Variants in PDZD2 observed in about 807,000 individuals in gnomAD.
PDZD2 encodes the protein PDZ domain containing 2.
Under a neutral mutation model 220.7 loss-of-function variants are expected in PDZD2, and 90 were observed. That is an observed-to-expected ratio of 0.41 (90% confidence interval 0.34 to 0.49). The LOEUF is 0.49. Among genes scored for constraint, PDZD2 ranks in the 20% least tolerant of loss-of-function variants. The pLI is 0.28. For missense variants in PDZD2, 3,174 were observed against 3,608.5 expected (o/e 0.88, Z 3.08); for synonymous variants, 1,375 against 1,450.5 (o/e 0.95, Z 1.18).
intron 4 of PDZD2, among the ~76,000 whole-genome samples, chr5:31,998,144 C>T (rs534830813): frequency 1.3e-5 from 2 of 152,120 alleles, no homozygotes; most frequent in Admixed American, 6.6e-5. Flanking sequence ...TTAGTAAGCC[C>T]AGGACACTGG....
At chr5:31,879,626 G>C (rs1255905138) in intron 2 of PDZD2, among the ~76,000 whole-genome samples, 1 of 152,006 alleles carries the variant, frequency 6.6e-6, no homozygotes, top group African/African-American at 2.4e-5. Context: ...TTGGTGTTTC[G>C]TGCCTACATT....
chr5:31,976,678 T>G (rs1749790597), intron 2 of PDZD2, among the ~76,000 whole-genome samples: 1 of 92,544 alleles, frequency 1.1e-5, no homozygotes, highest in South Asian at 3.5e-4. Flanking sequence ...AGTTACTTTG[T>G]TTTTTTGTTT....
intron 6 of PDZD2, 61 bp from the exon 7 acceptor site, chr5:32,037,170 G>T: frequency 9.9e-7 from 1 of 1,014,804 alleles, no homozygotes; most frequent in Non-Finnish European, 1.5e-6. Flanking sequence ...TGTGGAGGGG[G>T]ACAGCATAAG....
intron 16 of PDZD2, among the ~76,000 whole-genome samples, 156 bp from the exon 17 acceptor site, chr5:32,072,005 G>A (rs980793495): frequency 5.3e-5 from 8 of 152,160 alleles, no homozygotes; most frequent in South Asian, 4.1e-4. Context: ...CAATTTAGCC[G>A]TTCTGAGGTA....
At chr5:32,029,624 G>T (rs1754969472) in intron 6 of PDZD2, among the ~76,000 whole-genome samples, 1 of 152,154 alleles carries the variant, frequency 6.6e-6, no homozygotes, top group Admixed American at 6.5e-5. Context: ...GGCAACCTCA[G>T]TCTTTTATGA....
intron 2 of PDZD2, among the ~76,000 whole-genome samples, chr5:31,935,069 CAG>C (rs1291545475): frequency 7.2e-6 from 1 of 139,824 alleles, no homozygotes; most frequent in African/African-American, 2.7e-5. Flanking sequence ...ACCTGGGCAA[CAG>C]AGCCAGACCC....
At chr5:31,888,255 T>A (rs1456349372) in intron 2 of PDZD2, among the ~76,000 whole-genome samples, 1 of 152,058 alleles carries the variant, frequency 6.6e-6, no homozygotes, top group Non-Finnish European at 1.5e-5. Flanking sequence ...TGCAGTGCTA[T>A]GATCTCAGCT....
intron 18 of PDZD2, among the ~76,000 whole-genome samples, chr5:32,074,933 C>T (rs537702195): frequency 3.4e-4 from 52 of 152,198 alleles, no homozygotes; most frequent in African/African-American, 1.2e-3. Flanking sequence ...GTCTCAGCCT[C>T]CCGAGGAGCT....
Position 32,000,597 on chromosome 5 carries a change from A to C in PDZD2, c.1254+326A>C, listed in dbSNP as rs1361405890. ...GCAATCTCGGCTCACCGCAACCTCC[A>C]CCTTCCGGATTCAAGCAGTTCTCCT... is the stretch of plus-strand genomic sequence containing the variant. On this transcript the variant is annotated intron_variant, in intron 5 of 24. Transcript: ENST00000438447. This position sits in a 1 kb window ranked among gnomAD's most constrained non-coding sequence, Gnocchi z 4.5. 1.3e-5 allele frequency among the ~76,000 whole-genome samples: 2 copies of C among 151,890 alleles called. No homozygotes were observed. The highest frequency in any genetic ancestry group is 2.9e-5 in the Non-Finnish European group (2 of 67,990).
At chr5:32,003,197 C>T in intron 5 of PDZD2, among the ~76,000 whole-genome samples, 1 of 121,346 alleles carries the variant, frequency 8.2e-6, no homozygotes, top group Non-Finnish European at 1.7e-5. Flanking sequence ...ACACACTACA[C>T]ACACCACACA....
intron 2 of PDZD2, among the ~76,000 whole-genome samples, chr5:31,930,682 A>G (rs1299634393): frequency 6.6e-6 from 1 of 152,192 alleles, no homozygotes. Flanking sequence ...CTTTAGGGGT[A>G]GACAACTGAG....
chr5:31,726,556 C>A (rs548635851), intron 1 of PDZD2, among the ~76,000 whole-genome samples: 6 of 152,118 alleles, frequency 3.9e-5, no homozygotes, highest in Non-Finnish European at 7.4e-5. Flanking sequence ...ACCCAGCACG[C>A]GTAGGTTTCA....
intron 2 of PDZD2, among the ~76,000 whole-genome samples, chr5:31,884,860 T>G (rs1740299180): frequency 6.6e-6 from 1 of 151,964 alleles, no homozygotes. Flanking sequence ...CCAGGCTGGT[T>G]TCAAACTCTT....
At chr5:31,772,367 G>A (rs1260948901) in intron 1 of PDZD2, among the ~76,000 whole-genome samples, 19 of 152,304 alleles carry the variant, frequency 1.2e-4, no homozygotes, top group South Asian at 1.0e-3. Context: ...TAGACTGTGT[G>A]GTCCAACCCT....
chr5:31,716,047 C>T (rs1217671189), intron 1 of PDZD2, among the ~76,000 whole-genome samples: 2 of 152,192 alleles, frequency 1.3e-5, no homozygotes, highest in East Asian at 1.9e-4. Flanking sequence ...TCCATGATCT[C>T]ACAGTAGATT....
At chr5:31,733,153 T>C (rs1046626329) in intron 1 of PDZD2, among the ~76,000 whole-genome samples, 3 of 152,208 alleles carry the variant, frequency 2.0e-5, no homozygotes, top group African/African-American at 4.8e-5. Context: ...CAAACTTACC[T>C]GTGCTGTTAG....
intron 8 of PDZD2, among the ~76,000 whole-genome samples, chr5:32,049,089 C>A (rs1435763154): frequency 6.6e-6 from 1 of 152,046 alleles, no homozygotes; most frequent in Non-Finnish European, 1.5e-5. Context: ...GTACATGCAT[C>A]CATGGCTCAC....
intron 2 of PDZD2, among the ~76,000 whole-genome samples, chr5:31,896,466 C>T (rs1741581465): frequency 6.6e-6 from 1 of 151,658 alleles, no homozygotes; most frequent in Admixed American, 6.6e-5. Flanking sequence ...TGGACTTTAC[C>T]CAGCTCCTTT....
chr5:31,782,317 G>A (rs1192737899), intron 1 of PDZD2, among the ~76,000 whole-genome samples: 1 of 152,110 alleles, frequency 6.6e-6, no homozygotes, highest in African/African-American at 2.4e-5. Context: ...AATATTTGGA[G>A]CATACTTATA....
Sources: allele counts gnomAD v4.1 joint callset (sites outside exome capture counted in the v4.1 genomes callset), GRCh38; gene constraint gnomAD v4.1.1; non-coding constraint Gnocchi (gnomAD v3.1); transcripts MANE v1.5; gene names NCBI Gene and HGNC (gene_info 2026-07-23, HGNC 2026-07-21).